POLR1C: variants seen among roughly 807,000 people sequenced by gnomAD.
The protein encoded by POLR1C is RNA polymerase I and III subunit C.
In POLR1C, 42 loss-of-function variants were observed where a neutral mutation model predicts 38.3. The observed-to-expected ratio is 1.10, with a 90% confidence interval of 0.86 to 1.42. The LOEUF (loss-of-function observed/expected upper bound fraction) is 1.42, where lower values mean the gene tolerates loss of function less well. POLR1C is among the 40% of genes most tolerant of loss of function. The pLI, the probability that POLR1C is intolerant of heterozygous loss-of-function variation, is 0.00. For synonymous variants in POLR1C, 163 were observed against 163.9 expected, an observed-to-expected ratio of 0.99 and a Z score of 0.04; for missense variants, 507 against 450.5, an observed-to-expected ratio of 1.13 and a Z score of -1.14.
In POLR1C at chr6:43,542,334, C is replaced by T. The variant is rs185733171; in HGVS notation, c.*5-8634C>T. On this transcript the variant is annotated intron_variant, in intron 9 of 10. Coordinates refer to the POLR1C transcript ENST00000607635. ...CACCTTCTATTATCAGATTATTTGACGCAGGAGGTGCTATGAATACCTTGC... is the reference window on the plus strand; with the variant it reads ...CACCTTCTATTATCAGATTATTTGATGCAGGAGGTGCTATGAATACCTTGC... Among the ~76,000 whole-genome samples, 12 of 152,196 alleles carry T rather than the reference C, an allele frequency of 7.9e-5. No homozygotes were observed. In the East Asian group the frequency reaches 1.2e-3, roughly 15 times the overall value.
chr6:43,543,858 G>T, intron 9 of POLR1C, among the ~76,000 whole-genome samples: 1 of 151,994 alleles, frequency 6.6e-6, no homozygotes, highest in South Asian at 2.1e-4. Context: ...TGTATTTTTA[G>T]TAGAGGTGGG....
chr6:43,527,609 G>T (rs746706657), intron 8 of POLR1C: 2 of 1,611,250 alleles, frequency 1.2e-6, no homozygotes, highest in Non-Finnish European at 1.7e-6. Flanking sequence ...ATCCTCTATA[G>T]CCCCAGTTTC....
At chr6:43,543,231 T>A (rs1328418351) in intron 9 of POLR1C, among the ~76,000 whole-genome samples, 1 of 152,090 alleles carries the variant, frequency 6.6e-6, no homozygotes, top group African/African-American at 2.4e-5. Flanking sequence ...TTTGGGAGGA[T>A]CTCTTGAGCC....
chr6:43,530,708 TAGTC>T, downstream of POLR1C: 1 of 1,613,986 alleles, frequency 6.2e-7, no homozygotes, highest in Non-Finnish European at 8.5e-7. Context: ...TCTGAGTCGG[TAGTC>T]AGGAATATTG....
chr6:43,517,405 G>A, intron 2 of POLR1C, 28 bp downstream of exon 2: 1 of 1,591,278 alleles, frequency 6.3e-7, no homozygotes, highest in East Asian at 2.2e-5. Flanking sequence ...TGTCTGGGGA[G>A]GGTTATGAAG....
intron 9 of POLR1C, among the ~76,000 whole-genome samples, chr6:43,540,314 C>T (rs1023501287): frequency 6.6e-6 from 1 of 152,160 alleles, no homozygotes; most frequent in East Asian, 1.9e-4. Context: ...CCTGTCTCTA[C>T]TAAAATTACA....
chr6:43,522,730 A>G, downstream of POLR1C: 1 of 500,914 alleles, frequency 2.0e-6, no homozygotes, highest in Admixed American at 2.0e-5. Context: ...AGTGGACTGG[A>G]TGGACAACAG....
Position 43,553,234 on chromosome 6 carries a change from G to A in POLR1C, c.*48+2223G>A, listed in dbSNP as rs1010527503. On this transcript the variant is annotated intron_variant, in intron 10 of 10. Coordinates refer to the POLR1C transcript ENST00000607635. The stretch of plus-strand genomic sequence containing the variant: ...GGAGGATTGCTTGAGCCCAGGAGTT[G>A]GAGGTTACAGAGAGCTATGATTGTG... 5 of 1,094,650 alleles carry A rather than the reference G, an allele frequency of 4.6e-6. No individual in the cohort carries two copies. The African/African-American group carries it at 6.4e-5, about 14-fold the overall frequency. 67.8% of individuals were successfully genotyped at this position (1,094,650 alleles called of 1,614,324 possible).
intron 10 of POLR1C, among the ~76,000 whole-genome samples, chr6:43,558,747 C>T (rs1337474534): frequency 6.6e-6 from 1 of 152,144 alleles, no homozygotes; most frequent in Non-Finnish European, 1.5e-5. Flanking sequence ...TATCACAGGT[C>T]CACAGTTTGC....
At chr6:43,529,564 A>AG (rs975514467) in exon 9 of POLR1C, 2 of 183,346 alleles carry the variant, frequency 1.1e-5, no homozygotes, top group African/African-American at 4.8e-5. Flanking sequence ...AAAAAAAAAA[A>AG]AAAAGAAAAG....
Position 43,549,789 on chromosome 6 carries a change from C to T in POLR1C, c.*5-1179C>T, listed in dbSNP as rs78822980. ...ACAACATATATGATAATCTACCACC[C>T]TTACTACCCCCTCCCATTTATATAA... On this transcript the variant is annotated intron_variant, in intron 9 of 10. Coordinates refer to the POLR1C transcript ENST00000607635. 7.3e-3 allele frequency: 9,535 copies of T among 1,309,016 alleles called. 457 individuals carry two copies. The African/African-American group carries it at 0.11, about 15-fold the overall frequency. The allele number at this position is 1,309,016 out of a possible 1,614,324, so 81.1% of individuals were successfully genotyped here. A position where few individuals can be genotyped will look rare whatever the true frequency, so the allele number is the denominator to read the frequency against.
chr6:43,555,738 T>C, intron 10 of POLR1C: 1 of 1,465,092 alleles, frequency 6.8e-7, no homozygotes, highest in Non-Finnish European at 9.2e-7. Context: ...AGTATAAGTA[T>C]ATCGTTCTGA....
chr6:43,526,551 G>A (rs1174875794), intron 8 of POLR1C: 10 of 970,024 alleles, frequency 1.0e-5, no homozygotes, highest in Admixed American at 4.1e-5. Context: ...CACAGCAAGA[G>A]GGCTGGTCCA....
At position 43,548,386 on chromosome 6, in the gene POLR1C, C is replaced by T. The variant is rs367797922; in HGVS notation, c.*5-2582C>T. 1.7e-4 allele frequency: 282 copies of T among 1,613,102 alleles called. No individual in the cohort carries two copies. Among genetic ancestry groups the T allele is most frequent in the Non-Finnish European group, 2.3e-4 (272 of 1,179,406 alleles). ...GAACCAGGGCTTCCATGAGGGCACA[C>T]TTCTCCATTTGTGTCAGGAGTAGCT... On this transcript the variant is annotated intron_variant, in intron 9 of 10. Transcript: ENST00000607635.
At chr6:43,524,721 T>G, downstream of POLR1C, 1 of 1,586,512 alleles carries the variant, frequency 6.3e-7, no homozygotes, top group Non-Finnish European at 8.6e-7. Context: ...TTCTCAGAGA[T>G]TGCACCAGCA....
At chr6:43,533,255 C>CACACACACACACACAG (rs1794111230), downstream of POLR1C, 1 of 142,890 alleles carries the variant, frequency 7.0e-6, no homozygotes, top group Non-Finnish European at 1.5e-5. Context: ...CACACACACA[C>CACACACACACACACAG]ACACACACGA....
chr6:43,528,959 G>C, intron 8 of POLR1C: 1 of 1,586,362 alleles, frequency 6.3e-7, no homozygotes, highest in Non-Finnish European at 8.6e-7. Context: ...TTAGTGCATA[G>C]GCACACATCT....
intron 6 of POLR1C, 82 bp downstream of exon 6, chr6:43,520,509 A>G (rs1561858016): frequency 1.9e-6 from 3 of 1,602,982 alleles, no homozygotes; most frequent in South Asian, 1.1e-5. Flanking sequence ...CAGCTGAGAC[A>G]TTCCCGGCAG....
chr6:43,532,355 T>C (rs1280351434), downstream of POLR1C, among the ~76,000 whole-genome samples: 1 of 152,162 alleles, frequency 6.6e-6, no homozygotes, highest in East Asian at 1.9e-4. Context: ...AGGAATGCCA[T>C]TGGATTGCTT....
Sources: allele counts gnomAD v4.1 joint callset (sites outside exome capture counted in the v4.1 genomes callset), GRCh38; gene constraint gnomAD v4.1.1; transcripts MANE v1.5; gene names NCBI Gene and HGNC (gene_info 2026-07-23, HGNC 2026-07-21).